The following ANKRD36C variants were observed in gnomAD, a reference collection of about 807,000 sequenced individuals.
ANKRD36C encodes the protein ankyrin repeat domain-containing protein 36C.
A neutral mutation model predicts 276.4 loss-of-function variants in ANKRD36C; 61 were observed. That is an observed-to-expected ratio of 0.22 (90% CI 0.18 to 0.27). The LOEUF is 0.27. Ranked by LOEUF, ANKRD36C falls within the 10% of genes least tolerant of loss-of-function variation. ANKRD36C has a pLI of 1.00. For missense variants in ANKRD36C, 1,447 were observed against 2,032.3 expected (o/e 0.71, Z 5.54); for synonymous variants, 483 against 680.1 (o/e 0.71, Z 4.51).
intron 6 of ANKRD36C, among the ~76,000 whole-genome samples, chr2:95,973,498 A>C (rs1445103620): frequency 1.3e-5 from 2 of 152,242 alleles, no homozygotes; most frequent in Non-Finnish European, 2.9e-5. Flanking sequence ...ATATGTAGCC[A>C]TTGGCTATAA....
At chr2:95,854,704 A>G (rs1186687962) in intron 63 of ANKRD36C, among the ~76,000 whole-genome samples, 1 of 152,244 alleles carries the variant, frequency 6.6e-6, no homozygotes, top group Non-Finnish European at 1.5e-5. Context: ...GAAAGAATAG[A>G]ATGATCATAT....
intron 59 of ANKRD36C, among the ~76,000 whole-genome samples, chr2:95,869,920 A>G (rs1675766250): frequency 6.6e-6 from 1 of 152,266 alleles, no homozygotes; most frequent in African/African-American, 2.4e-5. Flanking sequence ...CTAGCACAGC[A>G]GTCTGAGATC....
chr2:95,893,676 AT>A lies in ANKRD36C; in HGVS notation c.2756-1817del. 1 of 1,603,766 alleles carries A rather than the reference AT, an allele frequency of 6.2e-7. No homozygotes were observed. The highest frequency in any genetic ancestry group is 8.5e-7 in the Non-Finnish European group (1 of 1,175,794). On this transcript the variant is annotated intron_variant, in intron 44 of 66. Transcript: ENST00000456556. ...GACCATACATTAACTCGTTCACAATATAAATGAGAGTTTCATTACCTTCAAG... is the reference window on the plus strand; with the variant it reads ...GACCATACATTAACTCGTTCACAATAAAATGAGAGTTTCATTACCTTCAAG...
At chr2:95,893,428 A>C in intron 44 of ANKRD36C, 105 bp downstream of exon 64, 1 of 1,457,182 alleles carries the variant, frequency 6.9e-7, no homozygotes, top group Non-Finnish European at 9.3e-7. Context: ...CGGCCTGCTG[A>C]ATCAGAAAGT....
At chr2:95,978,791 T>G (rs1257824441) in intron 5 of ANKRD36C, among the ~76,000 whole-genome samples, 1 of 152,086 alleles carries the variant, frequency 6.6e-6, no homozygotes, top group Non-Finnish European at 1.5e-5. Flanking sequence ...TTATCTCAAC[T>G]ATTTCTTAAT....
rs1676193525 is a variant in ANKRD36C, at chr2:95,886,028, A to C, written c.3163+20T>G. 1 of 1,602,250 alleles carries C rather than the reference A, an allele frequency of 6.2e-7. No homozygotes were observed. Among genetic ancestry groups the C allele is most frequent in the East Asian group, 2.2e-5 (1 of 44,500 alleles). ...CTTCTATTTGATCGAACATTACATT[A>C]AAGGTGTATTCCAAAATACCTGTCC... On this transcript the variant is annotated intron_variant, in intron 52 of 66. Transcript: ENST00000456556.
intron 44 of ANKRD36C, among the ~76,000 whole-genome samples, chr2:95,894,754 G>T (rs865880859): frequency 2.0e-5 from 3 of 151,318 alleles, no homozygotes; most frequent in Non-Finnish European, 3.0e-5. Context: ...GAGGAGTAAT[G>T]AGTCATTGTG....
At chr2:95,940,108 G>T (rs571105729) in intron 20 of ANKRD36C, among the ~76,000 whole-genome samples, 3,084 of 147,534 alleles carry the variant, frequency 0.021, no homozygotes, top group African/African-American at 0.072. Flanking sequence ...AACCTCCGCC[G>T]CCCGGGTTCA....
chr2:95,883,034 A>T (rs957469047), intron 54 of ANKRD36C, among the ~76,000 whole-genome samples: 4 of 152,132 alleles, frequency 2.6e-5, no homozygotes, highest in Admixed American at 2.0e-4. Context: ...ATCAGCTTGG[A>T]TATAGGTTTG....
At chr2:95,911,537 C>A (rs1291293478) in intron 42 of ANKRD36C, among the ~76,000 whole-genome samples, 1 of 151,442 alleles carries the variant, frequency 6.6e-6, no homozygotes, top group African/African-American at 2.4e-5. Flanking sequence ...TATCTCATTT[C>A]TATAACTAAA....
intron 1 of ANKRD36C, among the ~76,000 whole-genome samples, chr2:95,990,451 T>C (rs1359787637): frequency 6.6e-6 from 1 of 152,210 alleles, no homozygotes; most frequent in East Asian, 1.9e-4. Flanking sequence ...CACTGATTTG[T>C]TGTTTCAGCT....
rs578202134 is a variant in ANKRD36C, at chr2:95,901,897, A to C, written c.2654-2561T>G. Reference sequence around the variant, plus strand: ...AAGGATAATATATTAGCCTCAATAAAAATATCATCAATTATCAACTTTGAC... The same window carrying C: ...AAGGATAATATATTAGCCTCAATAACAATATCATCAATTATCAACTTTGAC... On this transcript the variant is annotated intron_variant, in intron 42 of 66. Coordinates refer to ENST00000456556, the Ensembl canonical transcript of ANKRD36C. Among the ~76,000 whole-genome samples, 10 of 148,654 alleles carry C rather than the reference A, an allele frequency of 6.7e-5. 1 individual carries two copies. The East Asian group carries it at 2.0e-3, about 30-fold the overall frequency.
At chr2:95,913,823 A>T (rs1156557521) in intron 40 of ANKRD36C, among the ~76,000 whole-genome samples, 1 of 151,352 alleles carries the variant, frequency 6.6e-6, no homozygotes, top group Non-Finnish European at 1.5e-5. Context: ...CAAGCTGGAG[A>T]ATTAAAGCAA....
At chr2:95,914,398 G>T in intron 38 of ANKRD36C, 95 bp from the exon 41 acceptor site, 1 of 1,437,728 alleles carries the variant, frequency 7.0e-7, no homozygotes. Flanking sequence ...CTGTCTTCCT[G>T]CCTGTATTAG....
At chr2:95,891,678 T>A (rs1178953594) in exon 46 of ANKRD36C, 1 of 1,564,114 alleles carries the variant, frequency 6.4e-7, no homozygotes, top group Non-Finnish European at 8.7e-7. Context: ...TCCTAGTTTT[T>A]TCTCCATGCT....
At chr2:95,886,517 T>C (rs1034995415) in intron 50 of ANKRD36C, among the ~76,000 whole-genome samples, 1 of 151,674 alleles carries the variant, frequency 6.6e-6, no homozygotes, top group Non-Finnish European at 1.5e-5. Flanking sequence ...TCAATAAGGA[T>C]ATGCCGAGTG....
At chr2:95,913,198 T>C (rs1676987601) in intron 40 of ANKRD36C, among the ~76,000 whole-genome samples, 1 of 149,452 alleles carries the variant, frequency 6.7e-6, no homozygotes, top group South Asian at 2.1e-4. Flanking sequence ...TATTAATCAG[T>C]TTTTCATTCA....
At chr2:95,966,832 T>C (rs1403600607) in intron 6 of ANKRD36C, among the ~76,000 whole-genome samples, 1 of 152,196 alleles carries the variant, frequency 6.6e-6, no homozygotes, top group East Asian at 1.9e-4. Context: ...TGTCCTCTTA[T>C]TTCCTTGAGT....
intron 15 of ANKRD36C, among the ~76,000 whole-genome samples, 199 bp downstream of exon 15, chr2:95,951,149 T>A (rs1678183411): frequency 6.6e-6 from 1 of 152,310 alleles, no homozygotes; most frequent in African/African-American, 2.4e-5. Flanking sequence ...GGTGCACGCC[T>A]GTAATCCCAG....
Sources: allele counts gnomAD v4.1 joint callset (sites outside exome capture counted in the v4.1 genomes callset), GRCh38; gene constraint gnomAD v4.1.1; transcripts MANE v1.5; gene names NCBI Gene and HGNC (gene_info 2026-07-23, HGNC 2026-07-21).